NR3C1: variants seen among roughly 807,000 people sequenced by gnomAD.
NR3C1 encodes nuclear receptor subfamily 3 group C member 1.
In NR3C1, 14 loss-of-function variants were observed where a neutral mutation model predicts 74.0. The ratio of observed to expected loss-of-function variants is 0.19; its 90% CI spans 0.12 to 0.30. NR3C1 has a LOEUF of 0.30. NR3C1 is among the 10% of genes least tolerant of loss of function. The pLI is 1.00. For missense variants in NR3C1, 695 were observed against 909.8 expected (o/e 0.76, Z 3.04); for synonymous variants, 308 against 332.5 (o/e 0.93, Z 0.80).
chr5:143,329,595 G>T (rs1412511240), intron 2 of NR3C1, among the ~76,000 whole-genome samples: 4 of 152,054 alleles, frequency 2.6e-5, no homozygotes, highest in Non-Finnish European at 5.9e-5. Flanking sequence ...TAAAAGCTTG[G>T]TTTTCAAACT....
chr5:143,347,084 A>G (rs1344149248), intron 2 of NR3C1, among the ~76,000 whole-genome samples: 1 of 152,164 alleles, frequency 6.6e-6, no homozygotes, highest in African/African-American at 2.4e-5. Context: ...TCTTTTCTAG[A>G]ATGTTTATAT....
intron 1 of NR3C1, among the ~76,000 whole-genome samples, chr5:143,432,976 G>A (rs1751908322): frequency 2.6e-5 from 4 of 152,106 alleles, no homozygotes; most frequent in Non-Finnish European, 2.9e-5. Flanking sequence ...GATATATAAC[G>A]TCACCTAAAA....
In NR3C1 at chr5:143,400,427, T is replaced by C; in HGVS notation, c.413A>G (p.Asn138Ser). The change falls in exon 2 of 9, where the codon AAC (asparagine) becomes AGC (serine). Residue 138 changes from asparagine (N) to serine (S), a missense_variant. Physicochemically the swap from Asn to Ser is conservative, Grantham distance 46. Around this residue, in one of 4 missense-constraint regions of NR3C1, gnomAD observed 497 missense variants for 489.5 expected, o/e 1.02. Transcript: ENST00000394464. ...AGCAGTGGATGCTGAACTCTTGGGG[T>C]TCTCTGGAACACTGGTCGACCTATT... ...NLNRSTSVPENPKSSASTAVS... is the reference protein window; with the variant it reads ...NLNRSTSVPESPKSSASTAVS... The C allele has an allele frequency of 2.5e-6, 4 of 1,614,134 alleles. No individual in the cohort carries two copies. Among genetic ancestry groups the C allele is most frequent in the Non-Finnish European group, 2.5e-6 (3 of 1,180,024 alleles).
chr5:143,409,283 T>A (rs1841218076), intron 1 of NR3C1: 1 of 152,256 alleles, frequency 6.6e-6, no homozygotes, highest in Admixed American at 6.5e-5. Context: ...TTCCCATGTC[T>A]CCTGTTGTTT....
At chr5:143,343,574 C>T (rs536715744) in intron 2 of NR3C1, among the ~76,000 whole-genome samples, 14 of 152,306 alleles carry the variant, frequency 9.2e-5, no homozygotes, top group African/African-American at 3.4e-4. Context: ...TTTCATATAA[C>T]TAGCCATTAG....
chr5:143,331,828 CTG>C (rs1345098239), intron 2 of NR3C1, among the ~76,000 whole-genome samples: 5 of 152,140 alleles, frequency 3.3e-5, no homozygotes, highest in African/African-American at 1.2e-4. Flanking sequence ...CCATCAAGTA[CTG>C]TGTTTATTTC....
intron 2 of NR3C1, among the ~76,000 whole-genome samples, chr5:143,368,269 C>G (rs1833618333): frequency 6.6e-6 from 1 of 152,036 alleles, no homozygotes; most frequent in East Asian, 1.9e-4. Flanking sequence ...AATGTAAGAG[C>G]TAAAACTATA....
intron 2 of NR3C1, among the ~76,000 whole-genome samples, chr5:143,383,755 T>C (rs1264112080): frequency 6.6e-6 from 1 of 152,242 alleles, no homozygotes; most frequent in Non-Finnish European, 1.5e-5. Flanking sequence ...TTAGGACTCA[T>C]GGCAAGGAAT....
Position 143,400,537 on chromosome 5 carries a change from G to A in NR3C1, c.303C>T (p.Asp101=), listed in dbSNP as rs746145398. ...GETETKVMGN[D]LGFPQQGQIS... ...TTTGGCCCTGCTGTGGGAATCCCAG[G>A]TCATTTCCCATCACTTTTGTTTCTG... Residue 101 remains aspartate, a synonymous_variant, in exon 2 of 9, where the codon GAC becomes GAT. Transcript: ENST00000394464. The A allele has an allele frequency of 1.2e-6, 2 of 1,614,208 alleles. No individual in the cohort carries two copies. Among genetic ancestry groups the A allele is most frequent in the Admixed American group, 1.7e-5 (1 of 60,022 alleles).
chr5:143,400,517 C>G lies in NR3C1; in HGVS notation c.323G>C (p.Gly108Ala), dbSNP rs1840071728. The change falls in exon 2 of 9, where the codon GGC becomes GCC. Residue 108 changes from glycine (G) to alanine (A), a missense_variant. This residue lies in a region of NR3C1 where 497 missense variants were observed against 489.5 expected (regional missense o/e 1.02). Transcript: ENST00000394464. ...MGNDLGFPQQ[G>A]QISLSSGETD... is the part of the protein sequence containing the mutation. Reference sequence around the variant, plus strand: ...TTCCCCCGAGGAAAGGCTGATTTGGCCCTGCTGTGGGAATCCCAGGTCATT... The same window carrying G: ...TTCCCCCGAGGAAAGGCTGATTTGGGCCTGCTGTGGGAATCCCAGGTCATT... The G allele has an allele frequency of 1.2e-6, 2 of 1,614,090 alleles. No homozygotes were observed. Among genetic ancestry groups the G allele is most frequent in the African/African-American group, 2.7e-5 (2 of 74,928 alleles).
chr5:143,388,438 C>T (rs902681715), intron 2 of NR3C1, among the ~76,000 whole-genome samples: 2 of 152,138 alleles, frequency 1.3e-5, no homozygotes, highest in Non-Finnish European at 2.9e-5. Flanking sequence ...AGGTATTCAA[C>T]ATGTATTTGT....
Position 143,400,188 on chromosome 5 carries a change from A to G in NR3C1, c.652T>C (p.Leu218=), listed in dbSNP as rs1324146214. Residue 218 remains leucine, a synonymous_variant, in exon 2 of 9, where the codon TTG becomes CTG. Transcript: ENST00000394464. ...TNESPWRSDL[L]IDENCLLSPL... ...GAAAGCAAACAGTTTTCATCTATCA[A>G]CAGGTCTGATCTCCAAGGACTCTCA... 8 of 1,613,690 alleles carry G rather than the reference A, an allele frequency of 5.0e-6. No individual in the cohort carries two copies. The African/African-American group carries it at 9.3e-5, about 19-fold the overall frequency.
intron 2 of NR3C1, among the ~76,000 whole-genome samples, chr5:143,341,065 C>T (rs1028531991): frequency 3.3e-5 from 5 of 152,146 alleles, no homozygotes; most frequent in African/African-American, 1.2e-4. Flanking sequence ...TGGGCAAACA[C>T]AAAATTCTTC....
chr5:143,432,309 G>A (rs1224004315), intron 1 of NR3C1, among the ~76,000 whole-genome samples: 1 of 152,202 alleles, frequency 6.6e-6, no homozygotes, highest in African/African-American at 2.4e-5. Flanking sequence ...GTCATAACAA[G>A]GTAGTAAGGC....
intron 2 of NR3C1, among the ~76,000 whole-genome samples, chr5:143,385,144 T>C (rs542077531): frequency 2.6e-5 from 4 of 152,314 alleles, no homozygotes; most frequent in Admixed American, 2.6e-4. Flanking sequence ...TAGCCACAGC[T>C]GGAGCTAGAG....
chr5:143,377,216 G>T (rs1835364963), intron 2 of NR3C1, among the ~76,000 whole-genome samples: 1 of 152,102 alleles, frequency 6.6e-6, no homozygotes, highest in Non-Finnish European at 1.5e-5. Flanking sequence ...AACAAAGCAG[G>T]TTTAGGAGGG....
chr5:143,423,982 T>A (rs754961856), intron 1 of NR3C1, among the ~76,000 whole-genome samples: 1 of 142,830 alleles, frequency 7.0e-6, no homozygotes, highest in Non-Finnish European at 1.5e-5. Flanking sequence ...TTTAACCGCA[T>A]ATTCTCACTC....
upstream of NR3C1, chr5:143,404,589 A>ACG: frequency 6.5e-6 from 6 of 920,054 alleles, no homozygotes; most frequent in Non-Finnish European, 6.5e-6. Context: ...GCCAAGTTCA[A>ACG]CCCCCACCCC....
intron 2 of NR3C1, among the ~76,000 whole-genome samples, chr5:143,388,515 T>C (rs1837665031): frequency 6.6e-6 from 1 of 152,204 alleles, no homozygotes; most frequent in South Asian, 2.1e-4. Flanking sequence ...AGGCAGACAG[T>C]ATCACTGCTC....
Sources: gnomAD v4.1 joint callset for allele counts (sites outside exome capture counted in the v4.1 genomes callset) on GRCh38, gnomAD v4.1.1 for gene constraint, gnomAD v4.1.1 regional missense constraint, MANE v1.5 for transcripts, NCBI Gene and HGNC (gene_info 2026-07-23, HGNC 2026-07-21) for gene names.